The following PDE3A variants were observed in gnomAD, a reference collection of about 807,000 sequenced individuals.
The protein encoded by PDE3A is phosphodiesterase 3A.
In PDE3A, 43 loss-of-function variants were observed where a neutral mutation model predicts 98.3. The observed-to-expected ratio is 0.44, with a 90% confidence interval of 0.34 to 0.56. The LOEUF is 0.56. Ranked by LOEUF, PDE3A falls within the 20% of genes least tolerant of loss-of-function variation. The pLI is 0.01. For missense variants in PDE3A, 1,427 were observed against 1,440.7 expected, an observed-to-expected ratio of 0.99 and a Z score of 0.15; for synonymous variants, 663 against 567.9, an observed-to-expected ratio of 1.17 and a Z score of -2.38.
chr12:20,679,934 T>C (rs1945732980), intron 15 of PDE3A, 96 bp from the exon 16 acceptor site: 2 of 519,220 alleles, frequency 3.9e-6, no homozygotes, highest in Non-Finnish European at 6.7e-6. Context: ...AGGTTATGGA[T>C]TAACTCCTCT....
At chr12:20,409,890 T>C (rs1944302756) in intron 1 of PDE3A, among the ~76,000 whole-genome samples, 1 of 152,190 alleles carries the variant, frequency 6.6e-6, no homozygotes, top group Admixed American at 6.5e-5. Context: ...AAAGGAAAAT[T>C]TAAATTCCAG....
chr12:20,507,235 G>A (rs1946136094), intron 1 of PDE3A, among the ~76,000 whole-genome samples: 1 of 151,898 alleles, frequency 6.6e-6, no homozygotes, highest in South Asian at 2.1e-4. Flanking sequence ...TCCAAGTTCT[G>A]CCTCTTCTAA....
intron 12 of PDE3A, 79 bp downstream of exon 12, chr12:20,647,029 G>A (rs941172351): frequency 1.0e-6 from 1 of 993,814 alleles, no homozygotes; most frequent in Admixed American, 1.9e-5. Flanking sequence ...TTTATAACAG[G>A]CACCAAGTTA....
intron 1 of PDE3A, among the ~76,000 whole-genome samples, chr12:20,376,764 T>A (rs1345227770): frequency 6.6e-6 from 1 of 151,888 alleles, no homozygotes; most frequent in Non-Finnish European, 1.5e-5. Context: ...TATTTTGCAG[T>A]GTTTCCTTAG....
intron 1 of PDE3A, among the ~76,000 whole-genome samples, chr12:20,408,838 G>A (rs1282957419): frequency 6.6e-6 from 1 of 152,062 alleles, no homozygotes; most frequent in African/African-American, 2.4e-5. Flanking sequence ...TAAGCTCTGT[G>A]ACAACATTAA....
At chr12:20,469,180 C>T (rs924462536) in intron 1 of PDE3A, among the ~76,000 whole-genome samples, 1 of 152,108 alleles carries the variant, frequency 6.6e-6, no homozygotes, top group East Asian at 1.9e-4. Context: ...CATATTTGTT[C>T]ATATTTAACC....
chr12:20,463,092 G>A lies in PDE3A; in HGVS notation c.960+92848G>A, dbSNP rs141995192. On this transcript the variant is annotated intron_variant, in intron 1 of 15. Coordinates refer to ENST00000359062, the MANE Select transcript of PDE3A (RefSeq NM_000921.5). Reference sequence around the variant, plus strand: ...CTGGCAAATCTATACTCTTGATTATGCCCATGATAAATTATCTCAGTTATA... The same window carrying A: ...CTGGCAAATCTATACTCTTGATTATACCCATGATAAATTATCTCAGTTATA... Among the ~76,000 whole-genome samples the A allele has an allele frequency of 5.9e-5, 9 of 152,204 alleles. No individual in the cohort carries two copies. The East Asian group carries it at 1.7e-3, about 29-fold the overall frequency.
intron 1 of PDE3A, among the ~76,000 whole-genome samples, chr12:20,541,317 G>A (rs905621473): frequency 6.6e-6 from 1 of 151,826 alleles, no homozygotes; most frequent in Non-Finnish European, 1.5e-5. Flanking sequence ...GCCCAGGATT[G>A]TCTCAAACTG....
chr12:20,467,280 C>T (rs568501455), intron 1 of PDE3A, among the ~76,000 whole-genome samples: 19 of 145,540 alleles, frequency 1.3e-4, no homozygotes, highest in African/African-American at 4.8e-4. Context: ...GATCCTTTAA[C>T]AAAGAAAATA....
intron 1 of PDE3A, among the ~76,000 whole-genome samples, chr12:20,462,637 G>A (rs1945270753): frequency 6.6e-6 from 1 of 151,890 alleles, no homozygotes; most frequent in Non-Finnish European, 1.5e-5. Flanking sequence ...ATTTTAGTTT[G>A]ATTTTTTGGA....
At chr12:20,468,499 T>A (rs1477783043) in intron 1 of PDE3A, among the ~76,000 whole-genome samples, 2 of 152,208 alleles carry the variant, frequency 1.3e-5, no homozygotes, top group East Asian at 3.9e-4. Flanking sequence ...AGAAATGTAG[T>A]AAATTCTTGC....
chr12:20,644,844 T>TCCTCCTCCC (rs1489118097), intron 10 of PDE3A, among the ~76,000 whole-genome samples: 11 of 137,352 alleles, frequency 8.0e-5, no homozygotes, highest in Non-Finnish European at 1.6e-5. Context: ...CTCCTCCTCC[T>TCCTCCTCCC]CCTCCTCCCC....
At chr12:20,622,497 C>T (rs1944161355) in intron 5 of PDE3A, among the ~76,000 whole-genome samples, 1 of 152,108 alleles carries the variant, frequency 6.6e-6, no homozygotes, top group Non-Finnish European at 1.5e-5. Context: ...AGGTAATCTA[C>T]TTTTCCAACA....
At chr12:20,649,161 G>A (rs1263928926) in intron 13 of PDE3A, among the ~76,000 whole-genome samples, 1 of 151,730 alleles carries the variant, frequency 6.6e-6, no homozygotes, top group Non-Finnish European at 1.5e-5. Flanking sequence ...TCAAACTCCT[G>A]ACCTCATGAT....
In PDE3A at chr12:20,648,673, G is replaced by C; in HGVS notation, c.2566-15G>C. 6.5e-7 allele frequency: 1 copy of C among 1,538,384 alleles called. No homozygotes were observed. Among genetic ancestry groups the C allele is most frequent in the South Asian group, 1.1e-5 (1 of 89,368 alleles). ...TTCTTAAAAAGTTGAACTCTTAACT[G>C]TCTTATTTGCCTAGGCGGTGCTATA... On this transcript the variant is annotated splice_polypyrimidine_tract_variant and intron_variant, in intron 12 of 15. Transcript: ENST00000359062.
chr12:20,428,188 A>C (rs1037434628), intron 1 of PDE3A, among the ~76,000 whole-genome samples: 6 of 152,180 alleles, frequency 3.9e-5, no homozygotes, highest in Admixed American at 6.5e-5. Flanking sequence ...AGAAGAGTAA[A>C]ATCTCTAAAG....
intron 1 of PDE3A, among the ~76,000 whole-genome samples, chr12:20,400,289 C>T (rs11045216): frequency 6.7e-6 from 1 of 149,068 alleles, no homozygotes; most frequent in Non-Finnish European, 1.5e-5. Context: ...GTCCTGCTGT[C>T]TAAAGGAGTA....
At chr12:20,628,311 G>A (rs1444054654) in intron 5 of PDE3A, among the ~76,000 whole-genome samples, 1 of 152,106 alleles carries the variant, frequency 6.6e-6, no homozygotes, top group Non-Finnish European at 1.5e-5. Flanking sequence ...TTTGGCTCAG[G>A]ATACTATGTA....
At chr12:20,630,281 A>G (rs551023343) in intron 6 of PDE3A, among the ~76,000 whole-genome samples, 154 bp downstream of exon 6, 1 of 152,334 alleles carries the variant, frequency 6.6e-6, no homozygotes, top group East Asian at 1.9e-4. Context: ...AATAGGCTAC[A>G]ATAAAAACTT....
Sources: gnomAD v4.1 joint callset for allele counts (sites outside exome capture counted in the v4.1 genomes callset) on GRCh38, gnomAD v4.1.1 for gene constraint, MANE v1.5 for transcripts, NCBI Gene and HGNC (gene_info 2026-07-23, HGNC 2026-07-21) for gene names.